WNT7A: variants seen among roughly 807,000 people sequenced by gnomAD.
WNT7A encodes the protein protein Wnt-7a.
Under a neutral mutation model 28.2 loss-of-function variants are expected in WNT7A, and 16 were observed. The observed-to-expected ratio is 0.57, with a 90% CI of 0.38 to 0.86. The LOEUF (loss-of-function observed/expected upper bound fraction) is 0.86. Among genes scored for constraint, WNT7A ranks in the 40% least tolerant of loss-of-function variants. The pLI, the probability that WNT7A is intolerant of heterozygous loss-of-function variation, is 0.00. For missense variants in WNT7A, 411 were observed against 489.7 expected, an observed-to-expected ratio of 0.84 and a Z score of 1.52; for synonymous variants, 190 against 195.9, an observed-to-expected ratio of 0.97 and a Z score of 0.25.
intron 3 of WNT7A, among the ~76,000 whole-genome samples, chr3:13,830,354 T>C (rs984280757): frequency 6.6e-6 from 1 of 152,164 alleles, no homozygotes; most frequent in Admixed American, 6.5e-5. Flanking sequence ...CTCCAGAGAC[T>C]TGAGGCAGGA....
At chr3:13,845,592 C>G (rs555601163) in intron 3 of WNT7A, among the ~76,000 whole-genome samples, 1 of 152,302 alleles carries the variant, frequency 6.6e-6, no homozygotes, top group Admixed American at 6.5e-5. Flanking sequence ...AGTAACATGG[C>G]CAAGGCCACA....
In WNT7A at chr3:13,855,264, C is replaced by A. The variant is rs55994847; in HGVS notation, c.299-461G>T. Among the ~76,000 whole-genome samples the A allele has an allele frequency of 5.9e-3, 892 of 152,360 alleles. 14 individuals are homozygous for A. Among genetic ancestry groups the A allele is most frequent in the African/African-American group, 0.02 (820 of 41,582 alleles). ...GAGTTTAAATCCCAGGAACATCAAT[C>A]CCTGGATCTGTGACTATTGGCCAAG... On this transcript the variant is annotated intron_variant, in intron 2 of 3. Coordinates refer to ENST00000285018, the MANE Select transcript of WNT7A (RefSeq NM_004625.4).
intron 2 of WNT7A, among the ~76,000 whole-genome samples, chr3:13,872,692 C>T (rs1695044184): frequency 6.6e-6 from 1 of 152,180 alleles, no homozygotes; most frequent in African/African-American, 2.4e-5. Flanking sequence ...TCCTCCTCAG[C>T]CTCTCTTCTA....
chr3:13,836,199 T>TA (rs200890080), intron 3 of WNT7A, among the ~76,000 whole-genome samples: 22,945 of 139,074 alleles, frequency 0.16, 1,960 homozygotes, highest in South Asian at 0.34. Context: ...AAGCTGGTTT[T>TA]TAAAAAAAAA....
intron 3 of WNT7A, among the ~76,000 whole-genome samples, chr3:13,853,693 GC>G (rs1454089621): frequency 6.6e-6 from 1 of 152,228 alleles, no homozygotes; most frequent in Non-Finnish European, 1.5e-5. Flanking sequence ...CAAGCCTCAT[GC>G]CCAGTGGAGC....
chr3:13,879,904 G>GCAATCAAC lies in WNT7A; in HGVS notation c.-89_-88insGTTGATTG. 8.7e-7 allele frequency: 1 copy of GCAATCAAC among 1,145,472 alleles called. No individual in the cohort carries two copies. Among genetic ancestry groups the GCAATCAAC allele is most frequent in the Non-Finnish European group, 1.1e-6 (1 of 882,322 alleles). The allele number at this position is 1,145,472 out of a possible 1,614,324, so 71.0% of individuals were successfully genotyped here. Reference sequence around the variant, plus strand: ...GGGGCAATCAACATAGCCCGCCCGGGAGGCGCGAGCCGAGGCGTCCCCGGG... The same window carrying GCAATCAAC: ...GGGGCAATCAACATAGCCCGCCCGGGCAATCAACAGGCGCGAGCCGAGGCGTCCCCGGG... On this transcript the variant is annotated 5_prime_UTR_variant, in exon 1 of 4. Transcript: ENST00000285018.
chr3:13,830,539 C>T (rs945405409), intron 3 of WNT7A, among the ~76,000 whole-genome samples: 2 of 152,182 alleles, frequency 1.3e-5, no homozygotes, highest in Non-Finnish European at 2.9e-5. Flanking sequence ...CCCTGGGAGG[C>T]TGAGCTGTGT....
At chr3:13,871,658 G>A (rs746448768) in intron 2 of WNT7A, among the ~76,000 whole-genome samples, 4 of 151,952 alleles carry the variant, frequency 2.6e-5, no homozygotes, top group Non-Finnish European at 5.9e-5. Flanking sequence ...CTTCCTGGCT[G>A]GTGGATTTCA....
In WNT7A at chr3:13,818,040, T is replaced by A. The variant is rs1303990879; in HGVS notation, c.*904A>T. The A allele has an allele frequency of 2.0e-5, 3 of 152,192 alleles. No individual in the cohort carries two copies. The highest frequency in any genetic ancestry group is 2.0e-4 in the Admixed American group (3 of 15,284). The allele number at this position is 152,192 out of a possible 1,614,324, so 9.4% of individuals were successfully genotyped here. A position where few individuals can be genotyped will look rare whatever the true frequency, so the allele number is the denominator to read the frequency against. The stretch of plus-strand genomic sequence containing the variant: ...TGACGCCACAACCAGGCATCGCCCC[T>A]CCTTACCCCTAAGTGAGTACCAGAA... On this transcript the variant is annotated 3_prime_UTR_variant, in exon 4 of 4. Transcript: ENST00000285018.
chr3:13,840,454 A>C (rs1477841242), intron 3 of WNT7A, among the ~76,000 whole-genome samples: 3 of 152,240 alleles, frequency 2.0e-5, no homozygotes, highest in Non-Finnish European at 4.4e-5. Context: ...TTGTTGAATG[A>C]ATGAATGAAC....
chr3:13,830,500 G>A (rs1356403356), intron 3 of WNT7A, among the ~76,000 whole-genome samples: 6 of 152,180 alleles, frequency 3.9e-5, no homozygotes, highest in Non-Finnish European at 8.8e-5. Context: ...GGCAGAAGGT[G>A]TCCCTGGCTG....
rs1694697283 is a variant in WNT7A, at chr3:13,854,592, C to G, written c.510G>C (p.Arg170=). ...IGFAKVFVDA[R]EIKQNARTLM... ...GAGTCCGGGCATTCTGCTTGATCTCCCGGGCATCCACAAAGACCTTGGCGA... is the reference window on the plus strand; with the variant it reads ...GAGTCCGGGCATTCTGCTTGATCTCGCGGGCATCCACAAAGACCTTGGCGA... The change falls in exon 3 of 4, where the codon CGG becomes CGC. Residue 170 remains arginine (R), a synonymous_variant. Coordinates refer to ENST00000285018, the MANE Select transcript of WNT7A (RefSeq NM_004625.4). 3 of 1,614,058 alleles carry G rather than the reference C, an allele frequency of 1.9e-6. No homozygotes were observed. Among genetic ancestry groups the G allele is most frequent in the Non-Finnish European group, 2.5e-6 (3 of 1,180,062 alleles).
At position 13,821,814 on chromosome 3, in the gene WNT7A, T is replaced by C. The variant is rs144715579; in HGVS notation, c.571-2391A>G. On this transcript the variant is annotated intron_variant, in intron 3 of 3. Coordinates refer to ENST00000285018, the MANE Select transcript of WNT7A (RefSeq NM_004625.4). Reference sequence around the variant, plus strand: ...GTGGTTGGCCAGGGGCACCCAGCTGTCTTCTGGGGGTCCTGGCAATATTCT... The same window carrying C: ...GTGGTTGGCCAGGGGCACCCAGCTGCCTTCTGGGGGTCCTGGCAATATTCT... 1.7e-3 allele frequency among the ~76,000 whole-genome samples: 260 copies of C among 152,352 alleles called. 1 individual carries two copies. Among genetic ancestry groups the C allele is most frequent in the African/African-American group, 5.8e-3 (242 of 41,582 alleles).
chr3:13,817,413 G>T lies in WNT7A; in HGVS notation c.*1531C>A, dbSNP rs1694021084. Reference sequence around the variant, plus strand: ...CACGTGACTACACTCAAGTCCCTAAGAAGATACAGTACACACACACACACA... The same window carrying T: ...CACGTGACTACACTCAAGTCCCTAATAAGATACAGTACACACACACACACA... On this transcript the variant is annotated 3_prime_UTR_variant, in exon 4 of 4. Transcript: ENST00000285018. The T allele has an allele frequency of 6.9e-6, 1 of 144,102 alleles. No individual in the cohort carries two copies. Among genetic ancestry groups the T allele is most frequent in the African/African-American group, 2.6e-5 (1 of 39,044 alleles). The allele number at this position is 144,102 out of a possible 1,614,324, so 8.9% of individuals were successfully genotyped here. A position where few individuals can be genotyped will look rare whatever the true frequency, so the allele number is the denominator to read the frequency against.
intron 2 of WNT7A, among the ~76,000 whole-genome samples, chr3:13,868,996 A>C: frequency 8.2e-6 from 1 of 122,042 alleles, no homozygotes; most frequent in African/African-American, 3.4e-5. Context: ...GAAAAAGAGA[A>C]AGAGAGAAAG....
rs77321674 is a variant in WNT7A at position 13,870,762 on chromosome 3, G to A, written c.298+4185C>T. 5.0e-3 allele frequency among the ~76,000 whole-genome samples: 762 copies of A among 152,358 alleles called. 6 individuals are homozygous for A. Among genetic ancestry groups the A allele is most frequent in the African/African-American group, 0.017 (702 of 41,574 alleles). On this transcript the variant is annotated intron_variant, in intron 2 of 3. Coordinates refer to ENST00000285018, the MANE Select transcript of WNT7A (RefSeq NM_004625.4). Reference sequence around the variant, plus strand: ...GTGTGGCACTGCAGGTGCAAAGGCCGTCCCGCTGCCCCAAGAGGTGGCCCT... The same window carrying A: ...GTGTGGCACTGCAGGTGCAAAGGCCATCCCGCTGCCCCAAGAGGTGGCCCT...
At chr3:13,878,000 C>G (rs1352489968) in intron 1 of WNT7A, among the ~76,000 whole-genome samples, 1 of 152,174 alleles carries the variant, frequency 6.6e-6, no homozygotes, top group Non-Finnish European at 1.5e-5. Context: ...ATGAGTAGCC[C>G]GAGGCGCAGG....
intron 2 of WNT7A, among the ~76,000 whole-genome samples, chr3:13,858,000 CTACAAG>C (rs1434350137): frequency 6.6e-6 from 1 of 152,212 alleles, no homozygotes; most frequent in African/African-American, 2.4e-5. Flanking sequence ...TAACAAGTCT[CTACAAG>C]TACAAGAGGG....
rs1448092398 is a variant in WNT7A at position 13,868,638 on chromosome 3, G to A, written c.298+6309C>T. ...AGAGAGAGAGAAAGAAAGAAAGAGA[G>A]AGGAGAAAGAAAAAAAGGAGGGAGG... On this transcript the variant is annotated intron_variant, in intron 2 of 3. Transcript: ENST00000285018. 1.0e-3 allele frequency among the ~76,000 whole-genome samples: 13 copies of A among 12,554 alleles called. No homozygotes were observed. In the East Asian group the frequency reaches 0.021, roughly 20 times the overall value. 8.2% of individuals were successfully genotyped at this position (12,554 alleles called of 152,430 possible). A position where few individuals can be genotyped will look rare whatever the true frequency, so the allele number is the denominator to read the frequency against.
Sources: gnomAD v4.1 joint callset for allele counts (sites outside exome capture counted in the v4.1 genomes callset) on GRCh38, gnomAD v4.1.1 for gene constraint, MANE v1.5 for transcripts, NCBI Gene and HGNC (gene_info 2026-07-23, HGNC 2026-07-21) for gene names.